The following GLYR1 variants were observed in gnomAD, a reference collection of about 807,000 sequenced individuals.
The protein encoded by GLYR1 is cytokine-like nuclear factor N-PAC.
GLYR1 carries 21 observed loss-of-function variants against 72.7 expected under a neutral mutation model. That is an observed-to-expected ratio of 0.29 (90% CI 0.20 to 0.42). The LOEUF (loss-of-function observed/expected upper bound fraction) is 0.42. GLYR1 is among the 10% of genes least tolerant of loss of function. The pLI is 1.00. For missense variants in GLYR1, 594 were observed against 712.1 expected (o/e 0.83, Z 1.89); for synonymous variants, 392 against 270.2 (o/e 1.45, Z -4.42).
At chr16:4,810,190 T>G (rs183199702) in intron 15 of GLYR1, among the ~76,000 whole-genome samples, 100 of 152,196 alleles carry the variant, frequency 6.6e-4, no homozygotes, top group African/African-American at 2.2e-3. Flanking sequence ...GATTCCACTT[T>G]AAAGGGTTTG....
At chr16:4,816,990 C>A (rs369945309) in intron 10 of GLYR1, among the ~76,000 whole-genome samples, 242 of 149,766 alleles carry the variant, frequency 1.6e-3, no homozygotes, top group African/African-American at 5.7e-3. Context: ...TGTTGCCAGG[C>A]TGGAGTGCAG....
At chr16:4,837,310 G>A (rs550211073) in intron 3 of GLYR1, among the ~76,000 whole-genome samples, 2 of 152,168 alleles carry the variant, frequency 1.3e-5, no homozygotes, top group African/African-American at 4.8e-5. Context: ...GCACACGTCT[G>A]TAATCCCAGC....
intron 2 of GLYR1, 65 bp downstream of exon 2, chr16:4,846,109 A>C: frequency 6.5e-7 from 1 of 1,530,958 alleles, no homozygotes; most frequent in Non-Finnish European, 9.1e-7. Context: ...AGAGGAATGC[A>C]TCTTACATTC....
At chr16:4,840,077 T>A (rs1271499110) in intron 3 of GLYR1, 1 of 152,286 alleles carries the variant, frequency 6.6e-6, no homozygotes, top group African/African-American at 2.4e-5. Context: ...ACTTATGGCT[T>A]TGTCTTCACA....
intron 12 of GLYR1, among the ~76,000 whole-genome samples, chr16:4,812,693 A>T (rs529252803): frequency 6.6e-6 from 1 of 150,708 alleles, no homozygotes; most frequent in Non-Finnish European, 1.5e-5. Flanking sequence ...AGGTTTCACC[A>T]TATTAGCCAG....
At chr16:4,839,838 T>C (rs1252966544) in intron 3 of GLYR1, 1 of 152,232 alleles carries the variant, frequency 6.6e-6, no homozygotes, top group Admixed American at 6.5e-5. Context: ...TAAAAAAGTA[T>C]AACTACACTT....
chr16:4,822,181 G>C (rs1434985015), intron 7 of GLYR1, among the ~76,000 whole-genome samples: 2 of 152,188 alleles, frequency 1.3e-5, no homozygotes, highest in Non-Finnish European at 2.9e-5. Flanking sequence ...TTACCTCCTG[G>C]GTTCAAGCGA....
At chr16:4,820,284 C>T (rs150662906) in intron 9 of GLYR1, among the ~76,000 whole-genome samples, 163 of 152,290 alleles carry the variant, frequency 1.1e-3, no homozygotes, top group African/African-American at 3.8e-3. Flanking sequence ...CCACCATGCC[C>T]AGGTCAAGGT....
At chr16:4,832,539 A>T in intron 4 of GLYR1, 2 of 578,104 alleles carry the variant, frequency 3.5e-6, no homozygotes, top group African/African-American at 1.9e-5. Context: ...AAATGCTGAG[A>T]TATTTCTCCT....
At chr16:4,836,837 A>G (rs1219835594) in intron 3 of GLYR1, among the ~76,000 whole-genome samples, 2 of 152,032 alleles carry the variant, frequency 1.3e-5, no homozygotes, top group Admixed American at 6.5e-5. Context: ...AAACAAAACA[A>G]ATCAATACTA....
At chr16:4,845,028 A>G (rs1013004924) in intron 3 of GLYR1, 46 bp downstream of exon 3, 1 of 1,273,488 alleles carries the variant, frequency 7.9e-7, no homozygotes, top group Non-Finnish European at 1.1e-6. Context: ...ACTCCAGGTA[A>G]CACAGAAAGA....
intron 3 of GLYR1, among the ~76,000 whole-genome samples, chr16:4,843,128 A>G (rs1015632769): frequency 6.6e-6 from 1 of 152,200 alleles, no homozygotes; most frequent in Non-Finnish European, 1.5e-5. Flanking sequence ...GAAAGTGGAC[A>G]CATAACACTG....
chr16:4,826,358 G>A (rs758676266), intron 5 of GLYR1, among the ~76,000 whole-genome samples: 68 of 151,978 alleles, frequency 4.5e-4, no homozygotes, highest in Non-Finnish European at 8.5e-4. Flanking sequence ...CTCCTACCTC[G>A]GCCTTCCAAA....
intron 4 of GLYR1, 83 bp downstream of exon 4, chr16:4,832,691 G>A (rs1020880292): frequency 6.9e-5 from 99 of 1,428,466 alleles, no homozygotes; most frequent in Non-Finnish European, 8.6e-5. Flanking sequence ...AAAGGTTTGC[G>A]TTTGGGTGAC....
At chr16:4,846,815 G>C (rs1197255000) in intron 1 of GLYR1, 1 of 268,230 alleles carries the variant, frequency 3.7e-6, no homozygotes, top group Non-Finnish European at 7.2e-6. Flanking sequence ...CGGCTGCATC[G>C]CAACCTGGGC....
chr16:4,846,566 A>C, intron 1 of GLYR1: 1 of 289,564 alleles, frequency 3.5e-6, no homozygotes, highest in Non-Finnish European at 6.9e-6. Flanking sequence ...GCTTTGACAA[A>C]TGCTAATGGA....
rs564361589 is a variant in GLYR1, at chr16:4,825,931, C to T, written c.538-2024G>A. Among the ~76,000 whole-genome samples the T allele has an allele frequency of 7.2e-5, 11 of 152,274 alleles. No individual in the cohort carries two copies. The South Asian group carries it at 2.1e-3, about 29-fold the overall frequency. ...CCTCCCAAAGTGCTGGGATTACAGG[C>T]GTGAGCCACTGCACCCAGCCCTATT... is the stretch of plus-strand genomic sequence containing the variant. On this transcript the variant is annotated intron_variant, in intron 5 of 15. Transcript: ENST00000321919.
chr16:4,838,479 GTT>G (rs2085310520), intron 3 of GLYR1, among the ~76,000 whole-genome samples: 1 of 152,108 alleles, frequency 6.6e-6, no homozygotes, highest in Non-Finnish European at 1.5e-5. Flanking sequence ...CTTCTCCACT[GTT>G]TGTCCACAAT....
intron 15 of GLYR1, among the ~76,000 whole-genome samples, chr16:4,808,062 C>A (rs769181765): frequency 4.0e-5 from 6 of 151,742 alleles, no homozygotes; most frequent in Non-Finnish European, 7.4e-5. Flanking sequence ...ATGGTAAAAC[C>A]CTGTCTCTAC....
Sources: gnomAD v4.1 joint callset for allele counts (sites outside exome capture counted in the v4.1 genomes callset) on GRCh38, gnomAD v4.1.1 for gene constraint, MANE v1.5 for transcripts, NCBI Gene and HGNC (gene_info 2026-07-23, HGNC 2026-07-21) for gene names.